The following S1PR1 variants were observed in gnomAD, a reference collection of about 807,000 sequenced individuals.
The protein encoded by S1PR1 is sphingosine-1-phosphate receptor 1, also known as sphingosine 1-phosphate receptor 1.
Under a neutral mutation model 18.3 loss-of-function variants are expected in S1PR1, and 2 were observed. The observed-to-expected ratio is 0.11, with a 90% CI of 0.04 to 0.34. The LOEUF (loss-of-function observed/expected upper bound fraction) is 0.34. Among genes scored for constraint, S1PR1 ranks in the 10% least tolerant of loss-of-function variants. The probability of loss-of-function intolerance (pLI) is 1.00; values close to 1 mark genes in which losing one functional copy is unlikely to be tolerated. For missense variants in S1PR1, 335 were observed against 493.8 expected, an observed-to-expected ratio of 0.68 and a Z score of 3.05; for synonymous variants, 222 against 211.2, an observed-to-expected ratio of 1.05 and a Z score of -0.44.
intron 1 of S1PR1, among the ~76,000 whole-genome samples, chr1:101,237,480 G>A (rs1652748229): frequency 6.6e-6 from 1 of 152,226 alleles, no homozygotes; most frequent in Non-Finnish European, 1.5e-5. Flanking sequence ...CCCAGGAGCA[G>A]GGTATAAAAT....
upstream of S1PR1, chr1:101,236,987 C>T (rs1027300698): frequency 2.0e-5 from 3 of 148,942 alleles, no homozygotes; most frequent in Admixed American, 6.6e-5. Flanking sequence ...GGGACCCCGA[C>T]TCGAGTAAGT....
chr1:101,239,450 A>C lies in S1PR1; in HGVS notation c.466A>C (p.Asn156His). Residue 156 changes from asparagine to histidine, a missense_variant, in exon 2 of 2, where the codon AAT (asparagine) becomes CAT (histidine). By Grantham distance (68) the Asn-to-His change is moderately conservative. This residue lies in a region of S1PR1 where 214 missense variants were observed against 366.6 expected (regional missense o/e 0.58). Transcript: ENST00000305352. This position sits in a 1 kb window ranked among gnomAD's most constrained non-coding sequence, Gnocchi z 6.3. ...GAAAATGAAACTCCACAACGGGAGC[A>C]ATAACTTCCGCCTCTTCCTGCTAAT... ...MLKMKLHNGS[N>H]NFRLFLLISA... 6.2e-7 allele frequency: 1 copy of C among 1,614,160 alleles called. No individual in the cohort carries two copies.
At position 101,239,804 on chromosome 1, in the gene S1PR1, A is replaced by T; in HGVS notation, c.820A>T (p.Ile274Phe). Residue 274 changes from isoleucine to phenylalanine, a missense_variant, in exon 2 of 2, where the codon ATC becomes TTC. By Grantham distance (21) the Ile-to-Phe change is conservative (BLOSUM62 0). Transcript: ENST00000305352. This position sits in a 1 kb window ranked among gnomAD's most constrained non-coding sequence, Gnocchi z 6.3. ...VFIACWAPLF[I>F]LLLLDVGCKV... ...CATCGCCTGCTGGGCACCGCTCTTC[A>T]TCCTGCTCCTGCTGGATGTGGGCTG... is the stretch of plus-strand genomic sequence containing the variant. 1 of 1,613,760 alleles carries T rather than the reference A, an allele frequency of 6.2e-7. No individual in the cohort carries two copies. The highest frequency in any genetic ancestry group is 8.5e-7 in the Non-Finnish European group (1 of 1,180,022).
Position 101,239,636 on chromosome 1 carries a change from G to C in S1PR1, c.652G>C (p.Val218Leu). 6.2e-7 allele frequency: 1 copy of C among 1,613,978 alleles called. No homozygotes were observed. The highest frequency in any genetic ancestry group is 8.5e-7 in the Non-Finnish European group (1 of 1,180,008). The change falls in exon 2 of 2, where the codon GTC (valine) becomes CTC (leucine). Residue 218 changes from valine (V) to leucine (L), a missense_variant. Physicochemically the swap from Val to Leu is conservative, Grantham distance 32. Around this residue, in one of 3 missense-constraint regions of S1PR1, gnomAD observed 214 missense variants for 366.6 expected, o/e 0.58. Transcript: ENST00000305352. The surrounding 1 kb of genome is among the most constrained non-coding windows in gnomAD (Gnocchi z 6.3). ...TVFTLLLLSI[V>L]ILYCRIYSLV... The stretch of plus-strand genomic sequence containing the variant: ...CTTCACTCTGCTTCTGCTCTCCATC[G>C]TCATTCTGTACTGCAGAATCTACTC...
rs1652818981 is a variant in S1PR1 at position 101,239,629 on chromosome 1, C to G, written c.645C>G (p.Leu215=). ...FCTTVFTLLL[L]SIVILYCRIY... ...CCACGGTCTTCACTCTGCTTCTGCT[C>G]TCCATCGTCATTCTGTACTGCAGAA... Residue 215 remains leucine, a synonymous_variant, in exon 2 of 2, where the codon CTC becomes CTG. Coordinates refer to ENST00000305352, the MANE Select transcript of S1PR1 (RefSeq NM_001400.5). The surrounding 1 kb of genome is among the most constrained non-coding windows in gnomAD (Gnocchi z 6.3). 6.2e-7 allele frequency: 1 copy of G among 1,613,994 alleles called. No individual in the cohort carries two copies. Among genetic ancestry groups the G allele is most frequent in the Non-Finnish European group, 8.5e-7 (1 of 1,180,040 alleles).
Position 101,240,980 on chromosome 1 carries a change from C to A in S1PR1, c.*847C>A, listed in dbSNP as rs957263704. 2 of 167,124 alleles carry A rather than the reference C, an allele frequency of 1.2e-5. No homozygotes were observed. The highest frequency in any genetic ancestry group is 2.9e-5 in the Non-Finnish European group (2 of 68,116). The allele number at this position is 167,124 out of a possible 1,614,324, so 10.4% of individuals were successfully genotyped here. On this transcript the variant is annotated 3_prime_UTR_variant, in exon 2 of 2. Transcript: ENST00000305352. The stretch of plus-strand genomic sequence containing the variant: ...ACAGACAAGCAAAACAAAGTGAAAA[C>A]CGAATGGATTAACTTTTGCAAACCA...
chr1:101,239,494 C>T lies in S1PR1; in HGVS notation c.510C>T (p.Ile170=), dbSNP rs1463614219. The T allele has an allele frequency of 1.2e-6, 2 of 1,614,076 alleles. No individual in the cohort carries two copies. Among genetic ancestry groups the T allele is most frequent in the South Asian group, 2.2e-5 (2 of 91,080 alleles). The change falls in exon 2 of 2, where the codon ATC becomes ATT. Residue 170 remains isoleucine (I), a synonymous_variant. Coordinates refer to ENST00000305352, the MANE Select transcript of S1PR1 (RefSeq NM_001400.5). This position sits in a 1 kb window ranked among gnomAD's most constrained non-coding sequence, Gnocchi z 6.3. The part of the protein sequence containing the change: ...LFLLISACWV[I]SLILGGLPIM... ...TGCTAATCAGCGCCTGCTGGGTCAT[C>T]TCCCTCATCCTGGGTGGCCTGCCTA...
At position 101,239,000 on chromosome 1, in the gene S1PR1, G is replaced by A; in HGVS notation, c.16G>A (p.Val6Ile). ...GGTTGGCACCATGGGGCCCACCAGC[G>A]TCCCGCTGGTCAAGGCCCACCGCAG... is the stretch of plus-strand genomic sequence containing the variant. Reference protein sequence around the residue: MGPTSVPLVKAHRSSV... With the variant: MGPTSIPLVKAHRSSV... Residue 6 changes from valine (V) to isoleucine (I), a missense_variant, in exon 2 of 2, where the codon GTC (valine) becomes ATC (isoleucine). This residue lies in a region of S1PR1 where 31 missense variants were observed against 29.6 expected (regional missense o/e 1.05). Transcript: ENST00000305352. The A allele has an allele frequency of 1.9e-6, 3 of 1,613,418 alleles. No individual in the cohort carries two copies. The highest frequency in any genetic ancestry group is 2.5e-6 in the Non-Finnish European group (3 of 1,179,502).
rs1652805966 is a variant in S1PR1, at chr1:101,239,113, C to T, written c.129C>T (p.Asn43=). The change falls in exon 2 of 2, where the codon AAC becomes AAT. Residue 43 remains asparagine (N), a synonymous_variant. Transcript: ENST00000305352. This position sits in a 1 kb window ranked among gnomAD's most constrained non-coding sequence, Gnocchi z 6.3. ...GKLNISADKE[N]SIKLTSVVFI... ...TGAATATCAGCGCGGACAAGGAGAA[C>T]AGCATTAAACTGACCTCGGTGGTGT... The T allele has an allele frequency of 6.2e-7, 1 of 1,614,166 alleles. No homozygotes were observed. The highest frequency in any genetic ancestry group is 1.7e-5 in the Admixed American group (1 of 60,014).
chr1:101,237,771 T>G (rs1322670740), intron 1 of S1PR1, among the ~76,000 whole-genome samples: 1 of 152,096 alleles, frequency 6.6e-6, no homozygotes, highest in Non-Finnish European at 1.5e-5. Flanking sequence ...TTAATGTGAG[T>G]TTCTGAAGAG....
In S1PR1 at chr1:101,240,505, A is replaced by T. The variant is rs199962822; in HGVS notation, c.*372A>T. On this transcript the variant is annotated 3_prime_UTR_variant, in exon 2 of 2. Coordinates refer to ENST00000305352, the MANE Select transcript of S1PR1 (RefSeq NM_001400.5). ...TCTCTTTGTCTGGAGCTTTGAGGAG[A>T]TGTTTTCCTTCACTTTAGTTTCAAA... 4 of 263,584 alleles carry T rather than the reference A, an allele frequency of 1.5e-5. No homozygotes were observed. Among genetic ancestry groups the T allele is most frequent in the South Asian group, 1.3e-4 (2 of 15,090 alleles). The allele number at this position is 263,584 out of a possible 1,614,324, so 16.3% of individuals were successfully genotyped here. A position where few individuals can be genotyped will look rare whatever the true frequency, so the allele number is the denominator to read the frequency against.
rs753528226 is a variant in S1PR1 at position 101,239,065 on chromosome 1, G to A, written c.81G>A (p.Arg27=). 1.9e-6 allele frequency: 3 copies of A among 1,614,256 alleles called. No individual in the cohort carries two copies. Among genetic ancestry groups the A allele is most frequent in the Admixed American group, 1.7e-5 (1 of 60,030 alleles). ...ACGTCAACTATGATATCATCGTCCGGCATTACAACTACACGGGAAAGCTGA... is the reference window on the plus strand; with the variant it reads ...ACGTCAACTATGATATCATCGTCCGACATTACAACTACACGGGAAAGCTGA... ...SDYVNYDIIV[R]HYNYTGKLNI... Residue 27 remains arginine (R), a synonymous_variant, in exon 2 of 2, where the codon CGG becomes CGA. Transcript: ENST00000305352. This position sits in a 1 kb window ranked among gnomAD's most constrained non-coding sequence, Gnocchi z 6.3.
At position 101,240,349 on chromosome 1, in the gene S1PR1, TC is replaced by T; in HGVS notation, c.*219del. 1.6e-6 allele frequency: 1 copy of T among 612,414 alleles called. No homozygotes were observed. The highest frequency in any genetic ancestry group is 3.0e-6 in the Non-Finnish European group (1 of 337,114). The allele number at this position is 612,414 out of a possible 1,614,324, so 37.9% of individuals were successfully genotyped here. ...TGCACTGGGAAGGGTGGAGATCAGG[TC>T]CCGGCCTGGAATATATTTTCTACCC... On this transcript the variant is annotated 3_prime_UTR_variant, in exon 2 of 2. Transcript: ENST00000305352.
Position 101,239,627 on chromosome 1 carries a change from C to G in S1PR1, c.643C>G (p.Leu215Val), listed in dbSNP as rs757705672. The G allele has an allele frequency of 3.1e-6, 5 of 1,614,148 alleles. No individual in the cohort carries two copies. Among genetic ancestry groups the G allele is most frequent in the Non-Finnish European group, 4.2e-6 (5 of 1,180,036 alleles). ...CACCACGGTCTTCACTCTGCTTCTG[C>G]TCTCCATCGTCATTCTGTACTGCAG... is the stretch of plus-strand genomic sequence containing the variant. ...FCTTVFTLLL[L>V]SIVILYCRIY... The change falls in exon 2 of 2, where the codon CTC (leucine) becomes GTC (valine). Residue 215 changes from leucine (L) to valine (V), a missense_variant. Leu to Val is a conservative substitution (Grantham distance 32). Around this residue, in one of 3 missense-constraint regions of S1PR1, gnomAD observed 214 missense variants for 366.6 expected, o/e 0.58. Coordinates refer to ENST00000305352, the MANE Select transcript of S1PR1 (RefSeq NM_001400.5). The surrounding 1 kb of genome is among the most constrained non-coding windows in gnomAD (Gnocchi z 6.3).
Position 101,241,296 on chromosome 1 carries a change from T to C in S1PR1, c.*1163T>C, listed in dbSNP as rs200402074. 1 of 167,230 alleles carries C rather than the reference T, an allele frequency of 6.0e-6. No individual in the cohort carries two copies. Among genetic ancestry groups the C allele is most frequent in the African/African-American group, 2.4e-5 (1 of 41,456 alleles). 10.4% of individuals were successfully genotyped at this position (167,230 alleles called of 1,614,324 possible). A position where few individuals can be genotyped will look rare whatever the true frequency, so the allele number is the denominator to read the frequency against. On this transcript the variant is annotated 3_prime_UTR_variant, in exon 2 of 2. Transcript: ENST00000305352. The stretch of plus-strand genomic sequence containing the variant: ...AACTGGTAGGGAACGCCAGAAACTT[T>C]TCAGTCCAGCTATTCATTAGATAGT...
chr1:101,242,222 G>A (rs1244929692), downstream of S1PR1, among the ~76,000 whole-genome samples: 3 of 152,142 alleles, frequency 2.0e-5, no homozygotes, highest in African/African-American at 7.2e-5. Flanking sequence ...CACTTTGCAA[G>A]CATCACAGAC....
In S1PR1 at chr1:101,238,672, A is replaced by AT. The variant is rs113551714; in HGVS notation, c.-163-145dup. The AT allele has an allele frequency of 7.2e-3, 1,915 of 264,458 alleles. 16 individuals are homozygous for AT. Among genetic ancestry groups the AT allele is most frequent in the African/African-American group, 0.015 (434 of 28,634 alleles). The allele number at this position is 264,458 out of a possible 1,614,324, so 16.4% of individuals were successfully genotyped here. On this transcript the variant is annotated intron_variant, in intron 1 of 1. Transcript: ENST00000305352. Reference sequence around the variant, plus strand: ...AAAAAGGAAGAAAAAAGATAATTTGATTTTTAAAAAAAATCTCTCTCCCTG... The same window carrying AT: ...AAAAAGGAAGAAAAAAGATAATTTGATTTTTTAAAAAAAATCTCTCTCCCTG...
chr1:101,237,992 G>A (rs971460943), intron 1 of S1PR1: 3 of 141,862 alleles, frequency 2.1e-5, no homozygotes, highest in Admixed American at 7.0e-5. Context: ...CCTGGCTTGG[G>A]GTGGGGGGTG....
intron 1 of S1PR1, among the ~76,000 whole-genome samples, 175 bp from the exon 2 acceptor site, chr1:101,238,647 A>G (rs1373879190): frequency 7.0e-6 from 1 of 142,586 alleles, no homozygotes; most frequent in Non-Finnish European, 1.5e-5. Flanking sequence ...AAAAAAGAAA[A>G]AAAAGGAAGA....
Sources: gnomAD v4.1 joint callset for allele counts (sites outside exome capture counted in the v4.1 genomes callset) on GRCh38, gnomAD v4.1.1 for gene constraint, gnomAD v4.1.1 regional missense constraint, Gnocchi (gnomAD v3.1) non-coding constraint, MANE v1.5 for transcripts, NCBI Gene and HGNC (gene_info 2026-07-23, HGNC 2026-07-21) for gene names.